Variants in FEZ1 observed in about 807,000 individuals in gnomAD.
FEZ1 encodes the protein fasciculation and elongation protein zeta-1.
In FEZ1, 20 loss-of-function variants were observed where a neutral mutation model predicts 49.3. The ratio of observed to expected loss-of-function variants is 0.41; its 90% CI spans 0.29 to 0.59. The LOEUF (loss-of-function observed/expected upper bound fraction) is 0.59. Among genes scored for constraint, FEZ1 ranks in the 20% least tolerant of loss-of-function variants. FEZ1 has a pLI of 0.36. For synonymous variants in FEZ1, 170 were observed against 180.9 expected, an observed-to-expected ratio of 0.94 and a Z score of 0.48; for missense variants, 413 against 476.0, an observed-to-expected ratio of 0.87 and a Z score of 1.23.
At position 125,463,587 on chromosome 11, in the gene FEZ1, G is replaced by A. The variant is rs926046620; in HGVS notation, c.412-17C>T. Reference sequence around the variant, plus strand: ...CTCATGGATCTGGAGAGGAGGTGGGGAGATGGAATTCTGGGTGACCATCAG... The same window carrying A: ...CTCATGGATCTGGAGAGGAGGTGGGAAGATGGAATTCTGGGTGACCATCAG... On this transcript the variant is annotated splice_polypyrimidine_tract_variant and intron_variant, in intron 3 of 9. Coordinates refer to ENST00000278919, the MANE Select transcript of FEZ1 (RefSeq NM_005103.5). 2.0e-6 allele frequency: 3 copies of A among 1,510,476 alleles called. No homozygotes were observed. The highest frequency in any genetic ancestry group is 2.8e-6 in the Non-Finnish European group (3 of 1,086,156). 93.6% of individuals were successfully genotyped at this position (1,510,476 alleles called of 1,614,324 possible). A position where few individuals can be genotyped will look rare whatever the true frequency, so the allele number is the denominator to read the frequency against.
intron 1 of FEZ1, among the ~76,000 whole-genome samples, chr11:125,493,362 A>AGAAAAGAAAAAAAG (rs1957403663): frequency 2.0e-5 from 1 of 49,534 alleles, no homozygotes; most frequent in African/African-American, 8.1e-5. Flanking sequence ...AGAAAGAGAG[A>AGAAAAGAAAAAAAG]AAAGAAAGAA....
chr11:125,481,726 C>CTG, intron 2 of FEZ1, 93 bp from the exon 3 acceptor site: 1 of 873,144 alleles, frequency 1.1e-6, no homozygotes, highest in Non-Finnish European at 2.0e-6. Context: ...AGAGAGGCTT[C>CTG]TGTGTGTGCC....
At chr11:125,482,985 A>G (rs1957297131) in intron 2 of FEZ1, among the ~76,000 whole-genome samples, 1 of 149,224 alleles carries the variant, frequency 6.7e-6, no homozygotes, top group African/African-American at 2.5e-5. Flanking sequence ...AAAAAAAAAA[A>G]AAAAAAAAAA....
chr11:125,461,751 C>T (rs987107473), intron 4 of FEZ1, among the ~76,000 whole-genome samples: 1 of 152,172 alleles, frequency 6.6e-6, no homozygotes, highest in African/African-American at 2.4e-5. Flanking sequence ...CTAAAGTCCC[C>T]GAGGCCAGCA....
rs952799386 is a variant in FEZ1 at position 125,443,271 on chromosome 11, G to C, written c.*2824C>G. ...AGGCCTGAAAATCAGTTAATTCTTG[G>C]GACTCTTCTGTGAGGTTTCTACAAT... On this transcript the variant is annotated 3_prime_UTR_variant, in exon 10 of 10. Transcript: ENST00000278919. Among the ~76,000 whole-genome samples the C allele has an allele frequency of 6.6e-6, 1 of 152,034 alleles. No individual in the cohort carries two copies. The highest frequency in any genetic ancestry group is 1.5e-5 in the Non-Finnish European group (1 of 68,000).
intron 3 of FEZ1, among the ~76,000 whole-genome samples, chr11:125,467,135 G>A (rs1478447322): frequency 6.6e-6 from 1 of 151,764 alleles, no homozygotes; most frequent in Non-Finnish European, 1.5e-5. Flanking sequence ...CTTTGCTCGA[G>A]TGATCCTCCT....
intron 3 of FEZ1, among the ~76,000 whole-genome samples, chr11:125,465,310 T>C (rs1367314660): frequency 1.3e-5 from 2 of 152,336 alleles, no homozygotes; most frequent in Admixed American, 1.3e-4. Context: ...TGACTGTTAA[T>C]ATTGCTTCTT....
chr11:125,456,208 G>A, intron 5 of FEZ1, 102 bp from the exon 6 acceptor site: 3 of 1,134,436 alleles, frequency 2.6e-6, no homozygotes, highest in South Asian at 3.2e-5. Flanking sequence ...CTGCCCCTCA[G>A]AGGAGATCCC....
At chr11:125,470,409 A>C (rs994078831) in intron 3 of FEZ1, among the ~76,000 whole-genome samples, 2 of 152,216 alleles carry the variant, frequency 1.3e-5, no homozygotes, top group African/African-American at 4.8e-5. Flanking sequence ...AGCAGATAGA[A>C]TTATGGGCGG....
At chr11:125,479,664 G>T (rs1461012211) in intron 3 of FEZ1, among the ~76,000 whole-genome samples, 1 of 152,212 alleles carries the variant, frequency 6.6e-6, no homozygotes, top group Non-Finnish European at 1.5e-5. Context: ...CTTTCTAAAA[G>T]AGGCCCAAGG....
At chr11:125,480,895 CA>C (rs1371908084) in intron 3 of FEZ1, among the ~76,000 whole-genome samples, 1 of 151,994 alleles carries the variant, frequency 6.6e-6, no homozygotes, top group Non-Finnish European at 1.5e-5. Context: ...AAAAATTAGC[CA>C]GGCATAGTGG....
chr11:125,472,695 A>T (rs1957194000), intron 3 of FEZ1, among the ~76,000 whole-genome samples: 1 of 152,190 alleles, frequency 6.6e-6, no homozygotes, highest in African/African-American at 2.4e-5. Flanking sequence ...GATAGAGAGG[A>T]TAATTTCCAA....
intron 3 of FEZ1, among the ~76,000 whole-genome samples, chr11:125,480,810 C>T (rs962813775): frequency 2.0e-5 from 3 of 152,040 alleles, no homozygotes; most frequent in Admixed American, 6.6e-5. Context: ...AAGGCCAAGG[C>T]GGGCGGATCA....
rs1191652816 is a variant in FEZ1 at position 125,495,169 on chromosome 11, C to A, written c.-46+952G>T. The A allele has an allele frequency of 5.6e-6, 2 of 354,068 alleles. No individual in the cohort carries two copies. Among genetic ancestry groups the A allele is most frequent in the Non-Finnish European group, 1.2e-5 (2 of 170,250 alleles). The allele number at this position is 354,068 out of a possible 1,614,324, so 21.9% of individuals were successfully genotyped here. Reference sequence around the variant, plus strand: ...TCCATTCACCTCCATCTCAGATCCCCCTCCTCCCCCCAGTCCGGTGGGGTA... The same window carrying A: ...TCCATTCACCTCCATCTCAGATCCCACTCCTCCCCCCAGTCCGGTGGGGTA... On this transcript the variant is annotated intron_variant, in intron 1 of 9. Coordinates refer to ENST00000278919, the MANE Select transcript of FEZ1 (RefSeq NM_005103.5). This position sits in a 1 kb window ranked among gnomAD's most constrained non-coding sequence, Gnocchi z 4.2.
intron 1 of FEZ1, among the ~76,000 whole-genome samples, chr11:125,493,505 AG>A (rs1957422454): frequency 2.7e-5 from 2 of 73,276 alleles, no homozygotes; most frequent in African/African-American, 1.2e-4. Context: ...AAAGAAAGAA[AG>A]AGAGAAAGAA....
intron 5 of FEZ1, among the ~76,000 whole-genome samples, chr11:125,458,323 A>G (rs1355530711): frequency 2.0e-5 from 3 of 152,126 alleles, no homozygotes; most frequent in Non-Finnish European, 4.4e-5. Context: ...TGGGCATTTG[A>G]TACCCTACGG....
chr11:125,481,235 C>A (rs536638043), intron 3 of FEZ1, among the ~76,000 whole-genome samples: 2 of 151,938 alleles, frequency 1.3e-5, no homozygotes, highest in East Asian at 3.9e-4. Flanking sequence ...TTTAATTGAA[C>A]CTCCTAGGCT....
intron 3 of FEZ1, among the ~76,000 whole-genome samples, chr11:125,465,960 T>C (rs750529348): frequency 5.9e-5 from 9 of 152,206 alleles, no homozygotes; most frequent in Non-Finnish European, 1.2e-4. Flanking sequence ...CAGTATCTTG[T>C]GCACAGGGTG....
intron 3 of FEZ1, among the ~76,000 whole-genome samples, chr11:125,470,036 T>C (rs1026994270): frequency 1.3e-5 from 2 of 152,040 alleles, no homozygotes; most frequent in Non-Finnish European, 2.9e-5. Flanking sequence ...CTTTTAAATA[T>C]GAAAAGATGC....
Sources: allele counts gnomAD v4.1 joint callset (sites outside exome capture counted in the v4.1 genomes callset), GRCh38; gene constraint gnomAD v4.1.1; non-coding constraint Gnocchi (gnomAD v3.1); transcripts MANE v1.5; gene names NCBI Gene and HGNC (gene_info 2026-07-23, HGNC 2026-07-21).